The following TAB2 variants were observed in gnomAD, a reference collection of about 807,000 sequenced individuals.
TAB2 encodes the protein TGF-beta-activated kinase 1 and MAP3K7-binding protein 2.
Under a neutral mutation model 65.0 loss-of-function variants are expected in TAB2, and 3 were observed. The ratio of observed to expected loss-of-function variants is 0.05; its 90% CI spans 0.02 to 0.12. The LOEUF (loss-of-function observed/expected upper bound fraction) is 0.12, where lower values mean the gene tolerates loss of function less well. Ranked by LOEUF, TAB2 falls within the 10% of genes least tolerant of loss-of-function variation. TAB2 has a pLI of 1.00. For synonymous variants in TAB2, 298 were observed against 285.1 expected, an observed-to-expected ratio of 1.05 and a Z score of -0.46; for missense variants, 623 against 840.3, an observed-to-expected ratio of 0.74 and a Z score of 3.20.
chr6:149,304,674 T>C (rs1779030395), intron 1 of TAB2, among the ~76,000 whole-genome samples: 2 of 152,182 alleles, frequency 1.3e-5, no homozygotes, highest in Non-Finnish European at 2.9e-5. Flanking sequence ...ACACATCTGA[T>C]TTCTCTATGG....
At chr6:149,248,619 T>A (rs17084608) in intron 1 of TAB2, among the ~76,000 whole-genome samples, 10,223 of 152,272 alleles carry the variant, frequency 0.067, 500 homozygotes, top group African/African-American at 0.13. Context: ...TAGCACTGTA[T>A]GCACTTGGTC....
intron 1 of TAB2, among the ~76,000 whole-genome samples, chr6:149,278,682 C>G (rs1441090199): frequency 6.6e-6 from 1 of 152,016 alleles, no homozygotes; most frequent in African/African-American, 2.4e-5. Flanking sequence ...CATATCATTC[C>G]CTCCAGCTTA....
At position 149,379,151 on chromosome 6, in the gene TAB2, C is replaced by T; in HGVS notation, c.1236C>T (p.Asn412=). The T allele has an allele frequency of 6.2e-7, 1 of 1,614,240 alleles. No homozygotes were observed. The highest frequency in any genetic ancestry group is 8.5e-7 in the Non-Finnish European group (1 of 1,180,040). ...RNQPTLFIST[N]SGASAASRNM... ...AGCCCACACTCTTCATATCCACAAA[C>T]TCTGGAGCATCTGCTGCCTCCAGGA... The change falls in exon 3 of 7, where the codon AAC becomes AAT. Residue 412 remains asparagine (N), a synonymous_variant. Transcript: ENST00000637181.
chr6:149,301,897 C>T (rs930245223), intron 1 of TAB2, among the ~76,000 whole-genome samples: 5 of 152,112 alleles, frequency 3.3e-5, no homozygotes, highest in Admixed American at 6.5e-5. Context: ...GATTATGGCA[C>T]GTTTGCTCAT....
At chr6:149,295,313 A>T (rs1231103049) in intron 1 of TAB2, among the ~76,000 whole-genome samples, 1 of 152,142 alleles carries the variant, frequency 6.6e-6, no homozygotes, top group Non-Finnish European at 1.5e-5. Context: ...GTTTCACTAC[A>T]GTGGGTTCTA....
chr6:149,404,493 G>A (rs902914630), intron 6 of TAB2, among the ~76,000 whole-genome samples: 4 of 152,100 alleles, frequency 2.6e-5, no homozygotes, highest in East Asian at 3.8e-4. Flanking sequence ...TCTTGAGTAA[G>A]CAAAACAGAG....
chr6:149,314,853 C>T (rs1469709259), upstream of TAB2, among the ~76,000 whole-genome samples: 1 of 148,888 alleles, frequency 6.7e-6, no homozygotes, highest in Non-Finnish European at 1.5e-5. Context: ...GAATGTAGTC[C>T]AGGAACTATA....
intron 1 of TAB2, among the ~76,000 whole-genome samples, chr6:149,260,612 T>A (rs1476337637): frequency 6.6e-6 from 1 of 152,142 alleles, no homozygotes; most frequent in Non-Finnish European, 1.5e-5. Flanking sequence ...AAGAAGCCAC[T>A]AAAGAGCACG....
At chr6:149,368,946 C>T (rs1781130810) in intron 1 of TAB2, among the ~76,000 whole-genome samples, 1 of 151,868 alleles carries the variant, frequency 6.6e-6, no homozygotes, top group African/African-American at 2.4e-5. Flanking sequence ...GCTAGATATA[C>T]AATAATAAAA....
At chr6:149,393,168 G>A (rs972662346) in intron 3 of TAB2, among the ~76,000 whole-genome samples, 21 of 152,102 alleles carry the variant, frequency 1.4e-4, no homozygotes, top group African/African-American at 5.1e-4. Flanking sequence ...AGCATTTTTA[G>A]TTTGTTTATA....
intron 1 of TAB2, among the ~76,000 whole-genome samples, chr6:149,296,914 T>C (rs556268119): frequency 2.6e-5 from 4 of 152,228 alleles, no homozygotes; most frequent in Non-Finnish European, 5.9e-5. Context: ...ATATCTTCTA[T>C]TTTTTCCCTC....
chr6:149,366,685 T>G (rs993621726), intron 1 of TAB2, among the ~76,000 whole-genome samples: 3 of 152,178 alleles, frequency 2.0e-5, no homozygotes, highest in Non-Finnish European at 1.5e-5. Context: ...TTCTACTGTT[T>G]ATAGTTGTTA....
chr6:149,338,181 C>T (rs755506401), intron 1 of TAB2, among the ~76,000 whole-genome samples: 2 of 152,126 alleles, frequency 1.3e-5, no homozygotes, highest in Non-Finnish European at 2.9e-5. Flanking sequence ...AGTATCTCTG[C>T]AGTGAAGGTG....
chr6:149,390,074 A>G (rs1001934527), intron 3 of TAB2, among the ~76,000 whole-genome samples: 6 of 152,240 alleles, frequency 3.9e-5, no homozygotes, highest in Non-Finnish European at 8.8e-5. Flanking sequence ...CTTTAAAGTT[A>G]TAATTGCCAT....
At chr6:149,384,138 T>TA (rs1781710636) in intron 3 of TAB2, among the ~76,000 whole-genome samples, 1 of 152,174 alleles carries the variant, frequency 6.6e-6, no homozygotes, top group South Asian at 2.1e-4. Context: ...CTCCTGGAAA[T>TA]ACTGTTTTAG....
At chr6:149,351,510 G>A (rs944003622) in intron 1 of TAB2, among the ~76,000 whole-genome samples, 3 of 152,106 alleles carry the variant, frequency 2.0e-5, no homozygotes, top group African/African-American at 7.2e-5. Context: ...TCCATTTTAC[G>A]AAGAATGAAA....
intron 1 of TAB2, among the ~76,000 whole-genome samples, chr6:149,231,079 C>T (rs1170623622): frequency 6.6e-6 from 1 of 152,192 alleles, no homozygotes; most frequent in Non-Finnish European, 1.5e-5. Flanking sequence ...GGTCTCTCTG[C>T]CTTCAGGATA....
intron 1 of TAB2, among the ~76,000 whole-genome samples, chr6:149,263,955 C>T (rs778167405): frequency 6.6e-6 from 1 of 152,206 alleles, no homozygotes; most frequent in African/African-American, 2.4e-5. Context: ...TCCATGGCAT[C>T]TTCCCAGACT....
At chr6:149,228,089 T>G (rs1777322367) in intron 1 of TAB2, among the ~76,000 whole-genome samples, 1 of 151,966 alleles carries the variant, frequency 6.6e-6, no homozygotes, top group African/African-American at 2.4e-5. Flanking sequence ...TCAAAGCCAT[T>G]AAGCCCAGCG....
Sources: gnomAD v4.1 joint callset for allele counts (sites outside exome capture counted in the v4.1 genomes callset) on GRCh38, gnomAD v4.1.1 for gene constraint, MANE v1.5 for transcripts, NCBI Gene and HGNC (gene_info 2026-07-23, HGNC 2026-07-21) for gene names.